Variants in GCLC observed in about 807,000 individuals in gnomAD.
GCLC encodes glutamate-cysteine ligase catalytic subunit.
A neutral mutation model predicts 81.5 loss-of-function variants in GCLC; 30 were observed. The observed-to-expected ratio is 0.37, with a 90% CI of 0.28 to 0.50. The LOEUF is 0.50. Among genes scored for constraint, GCLC ranks in the 20% least tolerant of loss-of-function variants. The pLI is 0.96. For synonymous variants in GCLC, 262 were observed against 273.3 expected, an observed-to-expected ratio of 0.96 and a Z score of 0.41; for missense variants, 556 against 777.4, an observed-to-expected ratio of 0.72 and a Z score of 3.39.
intron 3 of GCLC, among the ~76,000 whole-genome samples, chr6:53,517,572 G>C (rs600033): frequency 0.45 from 67,641 of 151,920 alleles, 15,348 homozygotes; most frequent in Admixed American, 0.55. Flanking sequence ...TATGAGCCTA[G>C]AACCTTAGGA....
At chr6:53,539,773 C>A (rs1002613752) in intron 1 of GCLC, among the ~76,000 whole-genome samples, 12 of 152,144 alleles carry the variant, frequency 7.9e-5, no homozygotes, top group African/African-American at 2.7e-4. Context: ...TCCACCACAC[C>A]CACTTTTATC....
chr6:53,532,287 C>T (rs1581746939), intron 1 of GCLC, among the ~76,000 whole-genome samples: 1 of 152,246 alleles, frequency 6.6e-6, no homozygotes, highest in South Asian at 2.1e-4. Context: ...GCTCCTCTCT[C>T]GACTGCGCCC....
intron 1 of GCLC, among the ~76,000 whole-genome samples, chr6:53,529,048 T>G (rs968085898): frequency 6.6e-6 from 1 of 152,218 alleles, no homozygotes; most frequent in Non-Finnish European, 1.5e-5. Context: ...TAAGCACATG[T>G]GGCTGTGTGG....
chr6:53,499,351 G>C (rs1479099623), intron 15 of GCLC, among the ~76,000 whole-genome samples: 1 of 152,144 alleles, frequency 6.6e-6, no homozygotes, highest in East Asian at 1.9e-4. Context: ...AGGACTGTAG[G>C]GTCCTTGAGC....
intron 1 of GCLC, among the ~76,000 whole-genome samples, chr6:53,528,259 T>C (rs968277230): frequency 1.3e-5 from 2 of 152,182 alleles, no homozygotes; most frequent in African/African-American, 4.8e-5. Context: ...AAATTACATA[T>C]GGCTCAGATT....
intron 3 of GCLC, among the ~76,000 whole-genome samples, chr6:53,520,142 A>G (rs1427276791): frequency 6.6e-6 from 1 of 152,210 alleles, no homozygotes; most frequent in Non-Finnish European, 1.5e-5. Context: ...TATGATATTC[A>G]TGTACCTCAT....
At chr6:53,508,268 A>G (rs545850892) in intron 8 of GCLC, among the ~76,000 whole-genome samples, 1 of 152,306 alleles carries the variant, frequency 6.6e-6, no homozygotes, top group East Asian at 1.9e-4. Flanking sequence ...AACCTTTTAC[A>G]TGGAAAAAGA....
chr6:53,499,829 A>T (rs1764469882), intron 15 of GCLC, among the ~76,000 whole-genome samples: 1 of 152,196 alleles, frequency 6.6e-6, no homozygotes, highest in African/African-American at 2.4e-5. Flanking sequence ...TGATTTTCAG[A>T]TGCACCCCTA....
Position 53,506,297 on chromosome 6 carries a change from C to A in GCLC, c.1198-402G>T. 1 of 293,630 alleles carries A rather than the reference C, an allele frequency of 3.4e-6. No individual in the cohort carries two copies. The highest frequency in any genetic ancestry group is 6.5e-6 in the Non-Finnish European group (1 of 152,894). The allele number at this position is 293,630 out of a possible 1,614,324, so 18.2% of individuals were successfully genotyped here. A position where few individuals can be genotyped will look rare whatever the true frequency, so the allele number is the denominator to read the frequency against. On this transcript the variant is annotated intron_variant, in intron 10 of 15. Transcript: ENST00000650454. This position sits in a 1 kb window ranked among gnomAD's most constrained non-coding sequence, Gnocchi z 4.0. Reference sequence around the variant, plus strand: ...CAGTTGTTTCCTTTCTTCCTCCTCTCCTGGGAATGCTGCTGCTTCGATGAC... The same window carrying A: ...CAGTTGTTTCCTTTCTTCCTCCTCTACTGGGAATGCTGCTGCTTCGATGAC...
chr6:53,521,928 C>T (rs921292320), intron 2 of GCLC, among the ~76,000 whole-genome samples: 1 of 152,138 alleles, frequency 6.6e-6, no homozygotes, highest in East Asian at 1.9e-4. Flanking sequence ...GAGCTGAGAT[C>T]GTGCCACTGC....
rs531556463 is a variant in GCLC, at chr6:53,542,677, A to T, written c.150+1819T>A. Among the ~76,000 whole-genome samples the T allele has an allele frequency of 9.2e-5, 14 of 152,286 alleles. 1 individual carries two copies. The South Asian group carries it at 1.2e-3, about 14-fold the overall frequency. On this transcript the variant is annotated intron_variant, in intron 1 of 15. Coordinates refer to ENST00000650454, the MANE Select transcript of GCLC (RefSeq NM_001498.4). Reference sequence around the variant, plus strand: ...TTCTACCTGGGACAATGACTACCAAAGACTTGAACTGCCTGTCTTTGTAGA... The same window carrying T: ...TTCTACCTGGGACAATGACTACCAATGACTTGAACTGCCTGTCTTTGTAGA...
At chr6:53,537,488 C>A (rs758262432) in intron 1 of GCLC, among the ~76,000 whole-genome samples, 1 of 152,130 alleles carries the variant, frequency 6.6e-6, no homozygotes, top group Non-Finnish European at 1.5e-5. Context: ...TGTGTCAATG[C>A]GTTTTTGAAG....
chr6:53,509,508 CAAA>C, intron 6 of GCLC: 1 of 560,616 alleles, frequency 1.8e-6, no homozygotes, highest in East Asian at 3.0e-5. Context: ...ATTAAATAGT[CAAA>C]AAAGAAAAAT....
chr6:53,519,671 C>T (rs1343287722), intron 3 of GCLC, among the ~76,000 whole-genome samples: 2 of 152,158 alleles, frequency 1.3e-5, no homozygotes, highest in Non-Finnish European at 2.9e-5. Flanking sequence ...CTCTTTCAAA[C>T]ATTAGGTCGA....
In GCLC at chr6:53,497,659, A is replaced by C. The variant is rs1480333266; in HGVS notation, c.*1097T>G. ...GACTTAACTAGTTGAGAAAAAAAAC[A>C]ACAAACTTCAACGCAAAGCTATAAT... On this transcript the variant is annotated 3_prime_UTR_variant, in exon 16 of 16. Coordinates refer to ENST00000650454, the MANE Select transcript of GCLC (RefSeq NM_001498.4). 1 of 151,018 alleles carries C rather than the reference A, an allele frequency of 6.6e-6. No individual in the cohort carries two copies. Among genetic ancestry groups the C allele is most frequent in the Non-Finnish European group, 1.5e-5 (1 of 67,698 alleles). 9.4% of individuals were successfully genotyped at this position (151,018 alleles called of 1,614,324 possible).
chr6:53,506,306 G>A lies in GCLC; in HGVS notation c.1198-411C>T. The A allele has an allele frequency of 3.5e-6, 1 of 286,414 alleles. No individual in the cohort carries two copies. Among genetic ancestry groups the A allele is most frequent in the Non-Finnish European group, 6.7e-6 (1 of 149,138 alleles). 17.7% of individuals were successfully genotyped at this position (286,414 alleles called of 1,614,324 possible). The stretch of plus-strand genomic sequence containing the variant: ...CCTTTCTTCCTCCTCTCCTGGGAAT[G>A]CTGCTGCTTCGATGACCCAAGAGCC... On this transcript the variant is annotated intron_variant, in intron 10 of 15. Transcript: ENST00000650454. The surrounding 1 kb of genome is among the most constrained non-coding windows in gnomAD (Gnocchi z 4.0).
chr6:53,521,946 C>A (rs1205539990), intron 2 of GCLC, among the ~76,000 whole-genome samples: 1 of 152,174 alleles, frequency 6.6e-6, no homozygotes, highest in African/African-American at 2.4e-5. Context: ...TGCACTCCAG[C>A]CCGGACGACA....
chr6:53,507,732 G>A (rs368452693), intron 8 of GCLC, 114 bp from the exon 9 acceptor site: 41 of 473,548 alleles, frequency 8.7e-5, no homozygotes, highest in Middle Eastern at 1.1e-3. Flanking sequence ...AAAAGTTAGT[G>A]AGCCCTAAAA....
At position 53,505,383 on chromosome 6, in the gene GCLC, T is replaced by C. The variant is rs549800463; in HGVS notation, c.1395+9A>G. The C allele has an allele frequency of 7.8e-6, 10 of 1,276,678 alleles. No individual in the cohort carries two copies. Among genetic ancestry groups the C allele is most frequent in the South Asian group, 1.2e-5 (1 of 84,096 alleles). 79.1% of individuals were successfully genotyped at this position (1,276,678 alleles called of 1,614,324 possible). On this transcript the variant is annotated intron_variant, in intron 12 of 15. Coordinates refer to ENST00000650454, the MANE Select transcript of GCLC (RefSeq NM_001498.4). ...CTATACCCATCACCATAAAGAAACA[T>C]ATCCTTACCTTTGACAGTGGAATGA...
Sources: allele counts gnomAD v4.1 joint callset (sites outside exome capture counted in the v4.1 genomes callset), GRCh38; gene constraint gnomAD v4.1.1; non-coding constraint Gnocchi (gnomAD v3.1); transcripts MANE v1.5; gene names NCBI Gene and HGNC (gene_info 2026-07-23, HGNC 2026-07-21).